Variants in PGM2L1 observed in about 807,000 individuals in gnomAD.
PGM2L1 encodes glucose 1,6-bisphosphate synthase.
Under a neutral mutation model 73.4 loss-of-function variants are expected in PGM2L1, and 35 were observed. The ratio of observed to expected loss-of-function variants is 0.48; its 90% confidence interval spans 0.36 to 0.63. The LOEUF (loss-of-function observed/expected upper bound fraction) is 0.63. PGM2L1 is among the 30% of genes least tolerant of loss of function. The probability of loss-of-function intolerance (pLI) is 0.00; values close to 1 mark genes in which losing one functional copy is unlikely to be tolerated. For synonymous variants in PGM2L1, 225 were observed against 253.8 expected, an observed-to-expected ratio of 0.89 and a Z score of 1.08; for missense variants, 570 against 742.0, an observed-to-expected ratio of 0.77 and a Z score of 2.69.
chr11:74,377,500 A>G (rs1179442333), intron 1 of PGM2L1, among the ~76,000 whole-genome samples: 1 of 152,164 alleles, frequency 6.6e-6, no homozygotes, highest in Non-Finnish European at 1.5e-5. Flanking sequence ...AGAGCAGAAG[A>G]GTATATACAG....
At chr11:74,337,903 A>G (rs1325049751) in intron 13 of PGM2L1, among the ~76,000 whole-genome samples, 3 of 152,212 alleles carry the variant, frequency 2.0e-5, no homozygotes. Context: ...TCCTAGGTAT[A>G]TACCTAAGAG....
intron 5 of PGM2L1, among the ~76,000 whole-genome samples, chr11:74,364,737 A>T (rs1591180568): frequency 6.6e-6 from 1 of 152,372 alleles, no homozygotes; most frequent in East Asian, 1.9e-4. Flanking sequence ...ATGGAAGAAC[A>T]TTCCATGCTC....
chr11:74,381,178 A>G (rs1340744761), intron 1 of PGM2L1, among the ~76,000 whole-genome samples: 2 of 152,196 alleles, frequency 1.3e-5, no homozygotes, highest in Non-Finnish European at 2.9e-5. Flanking sequence ...ATTTCACTCC[A>G]GTATCCTCAC....
chr11:74,374,213 A>C (rs1012580273), intron 2 of PGM2L1, among the ~76,000 whole-genome samples: 6 of 152,100 alleles, frequency 3.9e-5, no homozygotes, highest in Non-Finnish European at 4.4e-5. Flanking sequence ...CCTCCCGGGT[A>C]GCTGGGACTA....
rs560814 is a variant in PGM2L1 at position 74,371,566 on chromosome 11, T to G, written c.386+145A>C. 11,235 of 585,984 alleles carry G rather than the reference T, an allele frequency of 0.019. 929 individuals carry two copies. The highest frequency in any genetic ancestry group is 0.18 in the African/African-American group (9,748 of 52,960). The allele number at this position is 585,984 out of a possible 1,614,324, so 36.3% of individuals were successfully genotyped here. A position where few individuals can be genotyped will look rare whatever the true frequency, so the allele number is the denominator to read the frequency against. On this transcript the variant is annotated intron_variant, in intron 3 of 13. Coordinates refer to ENST00000298198, the MANE Select transcript of PGM2L1 (RefSeq NM_173582.6). ...TTTCTTTGAGATACTTTTTCTTCTATTTCAGCTTTAAAGTAAATATTAGCA... is the reference window on the plus strand; with the variant it reads ...TTTCTTTGAGATACTTTTTCTTCTAGTTCAGCTTTAAAGTAAATATTAGCA...
At chr11:74,381,734 C>G (rs1212717861) in intron 1 of PGM2L1, among the ~76,000 whole-genome samples, 1 of 151,844 alleles carries the variant, frequency 6.6e-6, no homozygotes, top group Non-Finnish European at 1.5e-5. Context: ...TGTGAAGCCA[C>G]TGCACCCAGT....
intron 1 of PGM2L1, among the ~76,000 whole-genome samples, chr11:74,386,798 A>G (rs1017058230): frequency 2.6e-5 from 4 of 152,176 alleles, no homozygotes; most frequent in African/African-American, 9.7e-5. Flanking sequence ...TCTTCATTTA[A>G]GTGAAAAACA....
chr11:74,336,569 T>C lies in PGM2L1; in HGVS notation c.*83A>G. ...TCGGCCAGATGAGATAGAGAGAGAA[T>C]GCTAACACAAGGTTCAATGTATGCA... is the stretch of plus-strand genomic sequence containing the variant. On this transcript the variant is annotated 3_prime_UTR_variant, in exon 14 of 14. Coordinates refer to ENST00000298198, the MANE Select transcript of PGM2L1 (RefSeq NM_173582.6). The C allele has an allele frequency of 1.2e-6, 1 of 810,720 alleles. No individual in the cohort carries two copies. Among genetic ancestry groups the C allele is most frequent in the Non-Finnish European group, 1.9e-6 (1 of 534,784 alleles). The allele number at this position is 810,720 out of a possible 1,614,324, so 50.2% of individuals were successfully genotyped here.
rs377358856 is a variant in PGM2L1 at position 74,383,824 on chromosome 11, A to AATATATATATATATATATATAT, written c.112-9243_112-9242insATATATATATATATATATATAT. Among the ~76,000 whole-genome samples the AATATATATATATATATATATAT allele has an allele frequency of 4.7e-3, 575 of 121,688 alleles. 10 individuals carry two copies. The highest frequency in any genetic ancestry group is 0.02 in the East Asian group (95 of 4,742). 79.8% of individuals were successfully genotyped at this position (121,688 alleles called of 152,430 possible). On this transcript the variant is annotated intron_variant, in intron 1 of 13. Coordinates refer to ENST00000298198, the MANE Select transcript of PGM2L1 (RefSeq NM_173582.6). ...AGTATTCTATGGAGATATATAAATA[A>AATATATATATATATATATATAT]ATATATATATATATATATAACATTT...
intron 12 of PGM2L1, among the ~76,000 whole-genome samples, chr11:74,341,695 GAAAAAAAA>G: frequency 2.1e-5 from 2 of 94,068 alleles, no homozygotes; most frequent in South Asian, 7.0e-4. Context: ...CTGTCTCAAG[GAAAAAAAA>G]AAAAAAAAAA....
intron 1 of PGM2L1, among the ~76,000 whole-genome samples, chr11:74,378,117 C>T (rs937902137): frequency 5.3e-5 from 8 of 152,100 alleles, no homozygotes; most frequent in African/African-American, 1.9e-4. Context: ...GTCTGGCCAA[C>T]ATGGCGAAAC....
At chr11:74,350,458 T>C (rs543311435) in intron 6 of PGM2L1, among the ~76,000 whole-genome samples, 24 of 152,340 alleles carry the variant, frequency 1.6e-4, no homozygotes, top group African/African-American at 5.8e-4. Context: ...ACAGCTTTTT[T>C]GAGATATAAT....
At chr11:74,381,569 G>GTT (rs1862945230) in intron 1 of PGM2L1, among the ~76,000 whole-genome samples, 1 of 100,700 alleles carries the variant, frequency 9.9e-6, no homozygotes, top group Non-Finnish European at 2.0e-5. Flanking sequence ...TTGTGTTTTT[G>GTT]TCTTTTTTTT....
At position 74,345,494 on chromosome 11, in the gene PGM2L1, G is replaced by A; in HGVS notation, c.1193C>T (p.Ala398Val). The A allele has an allele frequency of 1.9e-6, 3 of 1,611,926 alleles. No individual in the cohort carries two copies. The highest frequency in any genetic ancestry group is 2.5e-6 in the Non-Finnish European group (3 of 1,178,484). Residue 398 changes from alanine (A) to valine (V), a missense_variant, in exon 9 of 14, where the codon GCA becomes GTA. Ala to Val is a moderately conservative substitution (Grantham distance 64). Transcript: ENST00000298198. Reference sequence around the variant, plus strand: ...TTCAAAATGAAATCCTTCTTTAAGTGCAATTGCCTTCAGAATTTTAGAAGA... The same window carrying A: ...TTCAAAATGAAATCCTTCTTTAAGTACAATTGCCTTCAGAATTTTAGAAGA... The part of the protein sequence containing the change: ...TVSSKILKAI[A>V]LKEGFHFEET...
At chr11:74,392,730 C>T (rs191911054) in intron 1 of PGM2L1, among the ~76,000 whole-genome samples, 2 of 152,164 alleles carry the variant, frequency 1.3e-5, no homozygotes, top group Non-Finnish European at 2.9e-5. Flanking sequence ...TTAGTAGAGA[C>T]GGGGCTTCAC....
At chr11:74,345,078 A>G (rs1309406409) in intron 9 of PGM2L1, among the ~76,000 whole-genome samples, 2 of 152,132 alleles carry the variant, frequency 1.3e-5, no homozygotes, top group Admixed American at 1.3e-4. Context: ...TTAGAAGACT[A>G]CTTGAAGTTC....
At chr11:74,367,799 C>T (rs1214334006) in intron 5 of PGM2L1, among the ~76,000 whole-genome samples, 1 of 152,206 alleles carries the variant, frequency 6.6e-6, no homozygotes, top group African/African-American at 2.4e-5. Context: ...ATTAATCACG[C>T]TTCTTCTCTG....
chr11:74,387,770 T>C (rs907684210), intron 1 of PGM2L1, among the ~76,000 whole-genome samples: 2 of 152,214 alleles, frequency 1.3e-5, no homozygotes, highest in Non-Finnish European at 2.9e-5. Context: ...TAATTTTTAT[T>C]TATATTTTAA....
In PGM2L1 at chr11:74,342,979, C is replaced by T. The variant is rs1409740230; in HGVS notation, c.1348G>A (p.Gly450Arg). 12 of 1,607,560 alleles carry T rather than the reference C, an allele frequency of 7.5e-6. No individual in the cohort carries two copies. Among genetic ancestry groups the T allele is most frequent in the Non-Finnish European group, 1.0e-5 (12 of 1,177,760 alleles). ...LCGTSVLDKDGVSAAVVVAEM... is the reference protein window; with the variant it reads ...LCGTSVLDKDRVSAAVVVAEM... Reference sequence around the variant, plus strand: ...GCAACCACAACAGCTGCACTCACCCCATCTTTATCCAAAACTGAAGTTCCA... The same window carrying T: ...GCAACCACAACAGCTGCACTCACCCTATCTTTATCCAAAACTGAAGTTCCA... Residue 450 changes from glycine (G) to arginine (R), a missense_variant, in exon 11 of 14, where the codon GGG (glycine) becomes AGG (arginine). By Grantham distance (125) the Gly-to-Arg change is moderately radical. Coordinates refer to ENST00000298198, the MANE Select transcript of PGM2L1 (RefSeq NM_173582.6).
Sources: allele counts gnomAD v4.1 joint callset (sites outside exome capture counted in the v4.1 genomes callset), GRCh38; gene constraint gnomAD v4.1.1; transcripts MANE v1.5; gene names NCBI Gene and HGNC (gene_info 2026-07-23, HGNC 2026-07-21).